The following NSD2 variants were observed in gnomAD, a reference collection of about 807,000 sequenced individuals.
NSD2 encodes nuclear receptor binding SET domain protein 2.
A neutral mutation model predicts 139.0 loss-of-function variants in NSD2; 12 were observed. That is an observed-to-expected ratio of 0.09 (90% confidence interval 0.06 to 0.14). The LOEUF (loss-of-function observed/expected upper bound fraction) is 0.14. Ranked by LOEUF, NSD2 falls within the 10% of genes least tolerant of loss-of-function variation. The pLI is 1.00. For synonymous variants in NSD2, 669 were observed against 648.7 expected (o/e 1.03, Z -0.48); for missense variants, 1,155 against 1,745.0 (o/e 0.66, Z 6.02).
chr4:1,968,506 A>G (rs1726112891), intron 18 of NSD2, among the ~76,000 whole-genome samples: 1 of 152,224 alleles, frequency 6.6e-6, no homozygotes, highest in African/African-American at 2.4e-5. Context: ...TGCTAAATGA[A>G]TAGAAGTGGA....
In NSD2 at chr4:1,941,994, GAC is replaced by G. The variant is rs894930515; in HGVS notation, c.1881+2223_1881+2224del. On this transcript the variant is annotated intron_variant, in intron 9 of 21. Coordinates refer to ENST00000508803, the MANE Select transcript of NSD2 (RefSeq NM_001042424.3). ...AGAATTGCTGTTTGAGGTCCACACT[GAC>G]ACACACCCATTGGGTCACACCCCCT... 8.0e-6 allele frequency: 9 copies of G among 1,118,664 alleles called. No homozygotes were observed. In the Admixed American group the frequency reaches 1.4e-4, roughly 17 times the overall value. The allele number at this position is 1,118,664 out of a possible 1,614,324, so 69.3% of individuals were successfully genotyped here.
rs1045560517 is a variant in NSD2 at position 1,944,422 on chromosome 4, A to G, written c.1881+4644A>G. ...TGGTGATACATTCTAGCCTTAAGACATTTGAATTGCCGGTTGTTGAGGTGA... is the reference window on the plus strand; with the variant it reads ...TGGTGATACATTCTAGCCTTAAGACGTTTGAATTGCCGGTTGTTGAGGTGA... On this transcript the variant is annotated intron_variant, in intron 9 of 21. Transcript: ENST00000508803. 1.7e-5 allele frequency: 18 copies of G among 1,065,264 alleles called. No homozygotes were observed. The African/African-American group carries it at 2.9e-4, about 17-fold the overall frequency. The allele number at this position is 1,065,264 out of a possible 1,614,324, so 66.0% of individuals were successfully genotyped here. A position where few individuals can be genotyped will look rare whatever the true frequency, so the allele number is the denominator to read the frequency against.
intron 1 of NSD2, among the ~76,000 whole-genome samples, chr4:1,872,625 A>AGAGAGAGAGG (rs1713934822): frequency 6.9e-6 from 1 of 144,224 alleles, no homozygotes; most frequent in South Asian, 2.2e-4. Context: ...AGAGAGAGAG[A>AGAGAGAGAGG]GAGAGAGAGA....
intron 3 of NSD2, among the ~76,000 whole-genome samples, chr4:1,906,442 T>C (rs1407676853): frequency 6.6e-6 from 1 of 151,908 alleles, no homozygotes; most frequent in Admixed American, 6.6e-5. Context: ...GGTTTCACCA[T>C]GTTGCCCAGT....
At chr4:1,913,458 G>A (rs1718950968) in intron 3 of NSD2, among the ~76,000 whole-genome samples, 1 of 152,264 alleles carries the variant, frequency 6.6e-6, no homozygotes, top group Admixed American at 6.5e-5. Context: ...CTGTGCTTCA[G>A]CGGTCACGCT....
intron 1 of NSD2, among the ~76,000 whole-genome samples, chr4:1,878,440 CT>C (rs1376098151): frequency 1.3e-5 from 2 of 151,692 alleles, no homozygotes; most frequent in Non-Finnish European, 2.9e-5. Flanking sequence ...CTGTTGCTAT[CT>C]GGCACTCCAC....
chr4:1,937,457 A>G (rs1310924438), intron 7 of NSD2, among the ~76,000 whole-genome samples: 1 of 152,190 alleles, frequency 6.6e-6, no homozygotes. Context: ...ATGACCCTAG[A>G]CACTCAGAAT....
chr4:1,888,297 A>T (rs1202959066), intron 1 of NSD2, among the ~76,000 whole-genome samples: 2 of 149,490 alleles, frequency 1.3e-5, no homozygotes, highest in African/African-American at 4.9e-5. Context: ...CTGTAATCCT[A>T]GCTACTCAGG....
At chr4:1,947,083 A>G (rs766657490) in intron 9 of NSD2, 27 of 1,064,126 alleles carry the variant, frequency 2.5e-5, no homozygotes, top group Non-Finnish European at 3.0e-5. Context: ...AAGCAGGTGT[A>G]TTGTGGGCAG....
At chr4:1,920,849 C>A (rs906995563) in intron 5 of NSD2, among the ~76,000 whole-genome samples, 13 of 151,082 alleles carry the variant, frequency 8.6e-5, no homozygotes, top group Non-Finnish European at 1.3e-4. Context: ...GCCTGGGCAA[C>A]ATGAAACCCT....
intron 5 of NSD2, among the ~76,000 whole-genome samples, chr4:1,925,880 C>T (rs1412731574): frequency 1.3e-5 from 2 of 151,976 alleles, no homozygotes; most frequent in African/African-American, 4.8e-5. Context: ...TGGCTTGCCA[C>T]AGCCTTGACC....
rs376796720 is a variant in NSD2 at position 1,956,856 on chromosome 4, G to A, written c.2881+668G>A. On this transcript the variant is annotated intron_variant, in intron 15 of 21. Transcript: ENST00000508803. The surrounding 1 kb of genome is among the most constrained non-coding windows in gnomAD (Gnocchi z 5.3). ...TGCTGGCTCCTGTGTGACTGCAGGC[G>A]GGGACCCGCGTATTTAAAGCTTGGT... Among the ~76,000 whole-genome samples the A allele has an allele frequency of 2.0e-5, 3 of 152,242 alleles. No individual in the cohort carries two copies. The East Asian group carries it at 5.8e-4, about 29-fold the overall frequency.
intron 1 of NSD2, among the ~76,000 whole-genome samples, chr4:1,879,983 A>G (rs1414831596): frequency 6.6e-6 from 1 of 152,066 alleles, no homozygotes; most frequent in Non-Finnish European, 1.5e-5. Flanking sequence ...GGGCCCTTTG[A>G]TATGTCTTCA....
At chr4:1,945,597 G>C in intron 9 of NSD2, 1 of 1,065,312 alleles carries the variant, frequency 9.4e-7, no homozygotes, top group Non-Finnish European at 1.1e-6. Flanking sequence ...TGTGGCACCT[G>C]TGATGGCAGG....
chr4:1,951,939 T>C, intron 10 of NSD2, 169 bp from the exon 11 acceptor site: 1 of 1,045,820 alleles, frequency 9.6e-7, no homozygotes, highest in Non-Finnish European at 1.3e-6. Flanking sequence ...GATTCTGTAT[T>C]TGTACGTTCT....
chr4:1,951,161 G>A lies in NSD2; in HGVS notation c.1971G>A (p.Lys657=), dbSNP rs765670809. The A allele has an allele frequency of 6.2e-7, 1 of 1,614,224 alleles. No individual in the cohort carries two copies. Among genetic ancestry groups the A allele is most frequent in the Non-Finnish European group, 8.5e-7 (1 of 1,180,030 alleles). Residue 657 remains lysine (K), a synonymous_variant, in exon 10 of 22, where the codon AAG becomes AAA. Coordinates refer to ENST00000508803, the MANE Select transcript of NSD2 (RefSeq NM_001042424.3). ...CTGAAGTATCTGTCTCATCCAAAAA[G>A]TCTGAGCGAGGAGTGACTGCCAAAA... ...TQTEVSVSSK[K]SERGVTAKKE...
chr4:1,881,059 A>G (rs1398076681), intron 1 of NSD2, among the ~76,000 whole-genome samples: 6 of 152,116 alleles, frequency 3.9e-5, no homozygotes, highest in African/African-American at 7.2e-5. Flanking sequence ...TCATGATCCT[A>G]TGGGAGAGGG....
chr4:1,922,713 G>T (rs1338144896), intron 5 of NSD2, among the ~76,000 whole-genome samples: 1 of 152,020 alleles, frequency 6.6e-6, no homozygotes. Flanking sequence ...ATCACCGGAG[G>T]TCAGGAGCTC....
At chr4:1,906,413 G>T (rs1184626976) in intron 3 of NSD2, among the ~76,000 whole-genome samples, 2 of 151,276 alleles carry the variant, frequency 1.3e-5, no homozygotes, top group East Asian at 2.0e-4. Context: ...TAATTTTTGT[G>T]TTTTTTTTGT....
Sources: gnomAD v4.1 joint callset for allele counts (sites outside exome capture counted in the v4.1 genomes callset) on GRCh38, gnomAD v4.1.1 for gene constraint, Gnocchi (gnomAD v3.1) non-coding constraint, MANE v1.5 for transcripts, NCBI Gene and HGNC (gene_info 2026-07-23, HGNC 2026-07-21) for gene names.